CNTNAP2: variants seen among roughly 807,000 people sequenced by gnomAD.
The protein encoded by CNTNAP2 is contactin-associated protein-like 2.
In CNTNAP2, 98 loss-of-function variants were observed where a neutral mutation model predicts 155.2. That is an observed-to-expected ratio of 0.63 (90% CI 0.54 to 0.75). The LOEUF (loss-of-function observed/expected upper bound fraction) is 0.75. CNTNAP2 is among the 30% of genes least tolerant of loss of function. CNTNAP2 has a pLI of 0.00. For synonymous variants in CNTNAP2, 651 were observed against 631.2 expected, an observed-to-expected ratio of 1.03 and a Z score of -0.47; for missense variants, 1,727 against 1,688.1, an observed-to-expected ratio of 1.02 and a Z score of -0.40.
At chr7:146,489,413 G>C (rs1466500303) in intron 1 of CNTNAP2, among the ~76,000 whole-genome samples, 2 of 152,146 alleles carry the variant, frequency 1.3e-5, no homozygotes, top group South Asian at 2.1e-4. Context: ...TGCTCTTTTA[G>C]TAGTAATAAT....
intron 15 of CNTNAP2, among the ~76,000 whole-genome samples, chr7:148,109,058 T>C (rs1804285470): frequency 6.6e-6 from 1 of 152,170 alleles, no homozygotes; most frequent in African/African-American, 2.4e-5. Flanking sequence ...GTTCACACAT[T>C]GAAGGAAAAG....
chr7:148,290,422 G>A (rs1362209660), intron 21 of CNTNAP2, among the ~76,000 whole-genome samples: 2 of 152,118 alleles, frequency 1.3e-5, no homozygotes, highest in African/African-American at 4.8e-5. Context: ...TCTCTATAAT[G>A]CTTTAAGAAA....
chr7:147,990,895 TC>T (rs1801700698), intron 15 of CNTNAP2, among the ~76,000 whole-genome samples: 1 of 152,030 alleles, frequency 6.6e-6, no homozygotes, highest in Non-Finnish European at 1.5e-5. Context: ...AGCCCCCTTT[TC>T]CCCTCCTCCC....
chr7:147,473,406 C>T (rs1798261533), intron 10 of CNTNAP2, among the ~76,000 whole-genome samples: 2 of 152,068 alleles, frequency 1.3e-5, no homozygotes, highest in South Asian at 4.2e-4. Flanking sequence ...GGACACAGAG[C>T]TCATGCCCAC....
At chr7:146,655,362 C>T (rs1180848521) in intron 1 of CNTNAP2, among the ~76,000 whole-genome samples, 4 of 137,360 alleles carry the variant, frequency 2.9e-5, no homozygotes, top group South Asian at 2.3e-4. Flanking sequence ...TGCAGTGAGT[C>T]GCGATGGCAC....
At chr7:147,441,841 C>CGA in intron 10 of CNTNAP2, among the ~76,000 whole-genome samples, 1 of 147,580 alleles carries the variant, frequency 6.8e-6, no homozygotes, top group East Asian at 2.0e-4. Flanking sequence ...CTCTCTCTCT[C>CGA]TCTCTCTCTC....
intron 2 of CNTNAP2, among the ~76,000 whole-genome samples, chr7:146,825,871 C>T (rs900237636): frequency 6.6e-6 from 1 of 152,080 alleles, no homozygotes; most frequent in African/African-American, 2.4e-5. Flanking sequence ...CATTGTATAT[C>T]AAAAATTGGC....
At chr7:146,912,578 C>G (rs1184595668) in intron 3 of CNTNAP2, among the ~76,000 whole-genome samples, 1 of 151,956 alleles carries the variant, frequency 6.6e-6, no homozygotes, top group African/African-American at 2.4e-5. Context: ...TATTCAAATA[C>G]CTGTAGTGCT....
At chr7:146,642,161 T>C (rs1258950406) in intron 1 of CNTNAP2, among the ~76,000 whole-genome samples, 3 of 152,084 alleles carry the variant, frequency 2.0e-5, no homozygotes, top group Non-Finnish European at 4.4e-5. Flanking sequence ...TTTTATTTTT[T>C]AATTTTATTA....
In CNTNAP2 at chr7:146,950,363, G is replaced by C. The variant is rs537513341; in HGVS notation, c.403-93544G>C. Among the ~76,000 whole-genome samples, 18 of 151,944 alleles carry C rather than the reference G, an allele frequency of 1.2e-4. No homozygotes were observed. The South Asian group carries it at 3.5e-3, about 30-fold the overall frequency. On this transcript the variant is annotated intron_variant, in intron 3 of 23. Transcript: ENST00000361727. ...ATACATGTGCAGGTTTGTTACATAG[G>C]TATACACATGCCACAGTGGTTTGCT...
intron 10 of CNTNAP2, among the ~76,000 whole-genome samples, chr7:147,414,868 G>C (rs558047006): frequency 1.5e-4 from 22 of 150,918 alleles, no homozygotes; most frequent in East Asian, 5.8e-4. Flanking sequence ...GTGAACCTTG[G>C]GGGGTGGAGC....
intron 12 of CNTNAP2, among the ~76,000 whole-genome samples, chr7:147,581,612 T>C (rs900162150): frequency 6.6e-6 from 1 of 152,090 alleles, no homozygotes; most frequent in African/African-American, 2.4e-5. Flanking sequence ...TCAGAGTAAG[T>C]GTATAGGATT....
intron 14 of CNTNAP2, 81 bp from the exon 15 acceptor site, chr7:147,977,781 A>G: frequency 6.3e-7 from 1 of 1,576,202 alleles, no homozygotes; most frequent in Non-Finnish European, 8.7e-7. Flanking sequence ...TGTCATCATT[A>G]GACAACGTAA....
chr7:146,936,280 A>G (rs1265315823), intron 3 of CNTNAP2, among the ~76,000 whole-genome samples: 6 of 152,196 alleles, frequency 3.9e-5, no homozygotes, highest in Admixed American at 3.9e-4. Flanking sequence ...CACTTGTGCT[A>G]AGTGTGACAT....
intron 10 of CNTNAP2, among the ~76,000 whole-genome samples, chr7:147,475,585 A>C (rs541022600): frequency 6.6e-6 from 1 of 152,212 alleles, no homozygotes; most frequent in African/African-American, 2.4e-5. Flanking sequence ...CCATATTAAA[A>C]TATGCTTACC....
intron 13 of CNTNAP2, among the ~76,000 whole-genome samples, chr7:147,716,384 A>G (rs931155410): frequency 2.6e-5 from 4 of 152,090 alleles, no homozygotes; most frequent in Middle Eastern, 3.2e-3. Flanking sequence ...GGGGCTTTAT[A>G]GGTGAGCTGG....
intron 3 of CNTNAP2, among the ~76,000 whole-genome samples, chr7:147,002,433 C>A (rs939816850): frequency 6.6e-6 from 1 of 152,024 alleles, no homozygotes; most frequent in African/African-American, 2.4e-5. Context: ...CTATAGAATT[C>A]TGAAGGAGAT....
At chr7:147,462,707 TAA>T (rs1362994571) in intron 10 of CNTNAP2, among the ~76,000 whole-genome samples, 5 of 152,352 alleles carry the variant, frequency 3.3e-5, no homozygotes, top group African/African-American at 1.2e-4. Context: ...TTTATTTCTA[TAA>T]AGTCTTGCTT....
At chr7:147,437,032 T>C (rs2697452) in intron 10 of CNTNAP2, among the ~76,000 whole-genome samples, 49,812 of 151,732 alleles carry the variant, frequency 0.33, 8,648 homozygotes, top group Admixed American at 0.38. Context: ...GGAGGAAGCC[T>C]GTATAAAGTT....
Sources: allele counts gnomAD v4.1 joint callset (sites outside exome capture counted in the v4.1 genomes callset), GRCh38; gene constraint gnomAD v4.1.1; transcripts MANE v1.5; gene names NCBI Gene and HGNC (gene_info 2026-07-23, HGNC 2026-07-21).